The following TMEM40 variants were observed in gnomAD, a reference collection of about 807,000 sequenced individuals.
TMEM40 encodes the protein transmembrane protein 40.
TMEM40 carries 34 observed loss-of-function variants against 40.8 expected under a neutral mutation model. The observed-to-expected ratio is 0.83, with a 90% confidence interval of 0.63 to 1.11. The LOEUF (loss-of-function observed/expected upper bound fraction) is 1.11, where lower values mean the gene tolerates loss of function less well. Among genes scored for constraint, TMEM40 ranks in the 50% least tolerant of loss-of-function variants. The pLI is 0.00. For missense variants in TMEM40, 296 were observed against 280.2 expected (o/e 1.06, Z -0.40); for synonymous variants, 106 against 107.0 (o/e 0.99, Z 0.06).
At chr3:12,766,589 C>T (rs923737117) in intron 1 of TMEM40, among the ~76,000 whole-genome samples, 15 of 141,104 alleles carry the variant, frequency 1.1e-4, no homozygotes, top group Middle Eastern at 3.4e-3. Flanking sequence ...AGCGAGACTC[C>T]ATCTCAAAAA....
chr3:12,738,998 C>G (rs1239455218), intron 5 of TMEM40: 3 of 203,730 alleles, frequency 1.5e-5, no homozygotes, highest in Non-Finnish European at 3.1e-5. Flanking sequence ...ACTAAAAATA[C>G]AAAAATTAGC....
intron 1 of TMEM40, among the ~76,000 whole-genome samples, chr3:12,755,611 G>C (rs2061521289): frequency 6.6e-6 from 1 of 152,000 alleles, no homozygotes; most frequent in African/African-American, 2.4e-5. Context: ...AAGTACAGGA[G>C]GAAAATATTA....
rs187521884 is a variant in TMEM40, at chr3:12,765,848, C to G, written c.-9+3403G>C. Among the ~76,000 whole-genome samples the G allele has an allele frequency of 2.2e-4, 33 of 151,932 alleles. No homozygotes were observed. The East Asian group carries it at 6.2e-3, about 29-fold the overall frequency. On this transcript the variant is annotated intron_variant, in intron 1 of 11. Coordinates refer to the TMEM40 transcript ENST00000264728. ...AAAGTGCTGGGATTATAGGCGTGAA[C>G]CACTGCGCCCAGCCTCTTTCTTTCT...
chr3:12,754,780 T>C (rs956877107), intron 1 of TMEM40, among the ~76,000 whole-genome samples: 1 of 152,018 alleles, frequency 6.6e-6, no homozygotes, highest in Non-Finnish European at 1.5e-5. Flanking sequence ...GAGCTCCACA[T>C]GGATGGGCCT....
At chr3:12,753,211 CTTTTTTTTTTTTTT>C (rs56739791) in intron 1 of TMEM40, among the ~76,000 whole-genome samples, 2 of 76,294 alleles carry the variant, frequency 2.6e-5, no homozygotes. Context: ...TTCTTTCTTT[CTTTTTTTTTTTTTT>C]TTTTTTTTTT....
intron 5 of TMEM40, among the ~76,000 whole-genome samples, chr3:12,740,621 G>A (rs1390392709): frequency 6.6e-6 from 1 of 151,674 alleles, no homozygotes; most frequent in African/African-American, 2.4e-5. Context: ...ACTTTGGAAG[G>A]CCGAGGTGGG....
chr3:12,737,934 TTCC>T, intron 7 of TMEM40, 180 bp from the exon 8 acceptor site: 1 of 901,294 alleles, frequency 1.1e-6, no homozygotes, highest in Non-Finnish European at 1.8e-6. Flanking sequence ...CCCCACTGAC[TTCC>T]TCCTCCTTCC....
rs1205988113 is a variant in TMEM40 at position 12,734,621 on chromosome 3, A to G, written c.*153T>C. On this transcript the variant is annotated 3_prime_UTR_variant, in exon 12 of 12. Transcript: ENST00000314124. The stretch of plus-strand genomic sequence containing the variant: ...GATGCCCCTGCCCGGGCTGGTGCCA[A>G]CATTCAGACCACATGGAAGGAAAAG... 2.2e-6 allele frequency: 2 copies of G among 888,954 alleles called. No homozygotes were observed. Among genetic ancestry groups the G allele is most frequent in the Non-Finnish European group, 3.4e-6 (2 of 581,172 alleles). The allele number at this position is 888,954 out of a possible 1,614,324, so 55.1% of individuals were successfully genotyped here.
chr3:12,735,872 G>C (rs1254870017), intron 10 of TMEM40, among the ~76,000 whole-genome samples: 2 of 152,156 alleles, frequency 1.3e-5, no homozygotes, highest in Non-Finnish European at 2.9e-5. Flanking sequence ...TCAGTATCTG[G>C]CTAGTTCTAT....
chr3:12,740,909 A>C lies in TMEM40; in HGVS notation c.355+1545T>G, dbSNP rs183519298. On this transcript the variant is annotated intron_variant, in intron 5 of 11. Coordinates refer to ENST00000314124, the MANE Select transcript of TMEM40 (RefSeq NM_018306.4). ...CCTCCCCCTCCCCTGCCCCCCAAAAAACCATTCTGTGAGCCAGATAAAAAG... is the reference window on the plus strand; with the variant it reads ...CCTCCCCCTCCCCTGCCCCCCAAAACACCATTCTGTGAGCCAGATAAAAAG... 2.0e-3 allele frequency among the ~76,000 whole-genome samples: 300 copies of C among 152,068 alleles called. 3 individuals carry two copies. Among genetic ancestry groups the C allele is most frequent in the African/African-American group, 7.0e-3 (290 of 41,500 alleles).
chr3:12,755,229 C>CTTTCTT lies in TMEM40; in HGVS notation c.-9+3961_-9+3962insAAGAAA, dbSNP rs1373028614. Among the ~76,000 whole-genome samples the CTTTCTT allele has an allele frequency of 3.0e-3, 195 of 65,520 alleles. 1 individual carries two copies. The highest frequency in any genetic ancestry group is 8.3e-3 in the African/African-American group (128 of 15,492). 43.0% of individuals were successfully genotyped at this position (65,520 alleles called of 152,430 possible). ...TTTCTTTCTTTCTCTCTCTCTCTCT[C>CTTTCTT]TCTCTCTTTCTTTCTTTCTTTCTTT... On this transcript the variant is annotated intron_variant, in intron 1 of 11. Coordinates refer to ENST00000314124, the MANE Select transcript of TMEM40 (RefSeq NM_018306.4).
intron 1 of TMEM40, among the ~76,000 whole-genome samples, chr3:12,754,057 T>C (rs1382599394): frequency 6.6e-6 from 1 of 152,206 alleles, no homozygotes. Flanking sequence ...GCGCAGGTCA[T>C]GGAGCCACAC....
rs756581348 is a variant in TMEM40, at chr3:12,735,608, A to G, written c.629T>C (p.Ile210Thr). The G allele has an allele frequency of 1.5e-5, 25 of 1,613,072 alleles. No homozygotes were observed. The Admixed American group carries it at 4.2e-4, about 27-fold the overall frequency. The change falls in exon 11 of 12, where the codon ATC (isoleucine) becomes ACC (threonine). Residue 210 changes from isoleucine to threonine, a missense_variant. Transcript: ENST00000314124. ...GATGAAGCCTTGGAGGACGCTGTGG[A>G]TACGGTACACTGCTCAGAAGCAAAG... ...VGIYFGLVYR[I>T]HSVLQGFIPL...
intron 1 of TMEM40, among the ~76,000 whole-genome samples, chr3:12,767,582 C>T (rs1332396961): frequency 1.3e-5 from 2 of 152,076 alleles, no homozygotes; most frequent in Non-Finnish European, 2.9e-5. Flanking sequence ...TTATCTGAGC[C>T]CTGGGTCCCT....
chr3:12,745,640 G>C (rs1300239943), intron 3 of TMEM40, among the ~76,000 whole-genome samples: 1 of 151,970 alleles, frequency 6.6e-6, no homozygotes, highest in Non-Finnish European at 1.5e-5. Context: ...GTAGAGATGG[G>C]ATTTCCCCAT....
intron 1 of TMEM40, among the ~76,000 whole-genome samples, chr3:12,755,528 G>T (rs2061520771): frequency 6.6e-6 from 1 of 152,224 alleles, no homozygotes; most frequent in Admixed American, 6.5e-5. Flanking sequence ...GAGGTGGCAA[G>T]TTGAGGAGTG....
intron 1 of TMEM40, among the ~76,000 whole-genome samples, chr3:12,754,245 G>A (rs1004645680): frequency 5.9e-5 from 9 of 152,124 alleles, no homozygotes; most frequent in Middle Eastern, 3.2e-3. Flanking sequence ...CCGGGAGGTG[G>A]AGCTGGCAGT....
At chr3:12,751,256 G>T (rs1455809478) in intron 1 of TMEM40, among the ~76,000 whole-genome samples, 2 of 136,026 alleles carry the variant, frequency 1.5e-5, no homozygotes, top group Non-Finnish European at 1.5e-5. Flanking sequence ...CCCCCATCTC[G>T]TAGGCCCCAG....
upstream of TMEM40, among the ~76,000 whole-genome samples, chr3:12,762,916 C>A (rs748800794): frequency 6.6e-6 from 1 of 152,154 alleles, no homozygotes; most frequent in Non-Finnish European, 1.5e-5. Context: ...GTAATCCCAG[C>A]ACTTTGGGAG....
Sources: gnomAD v4.1 joint callset for allele counts (sites outside exome capture counted in the v4.1 genomes callset) on GRCh38, gnomAD v4.1.1 for gene constraint, MANE v1.5 for transcripts, NCBI Gene and HGNC (gene_info 2026-07-23, HGNC 2026-07-21) for gene names.